The following OSBPL10 variants were observed in gnomAD, a reference collection of about 807,000 sequenced individuals.
The protein encoded by OSBPL10 is oxysterol-binding protein-related protein 10.
OSBPL10 carries 49 observed loss-of-function variants against 81.7 expected under a neutral mutation model. That is an observed-to-expected ratio of 0.60 (90% confidence interval 0.48 to 0.76). OSBPL10 has a LOEUF of 0.76. Ranked by LOEUF, OSBPL10 falls within the 30% of genes least tolerant of loss-of-function variation. OSBPL10 has a pLI of 0.00. For synonymous variants in OSBPL10, 419 were observed against 383.6 expected (o/e 1.09, Z -1.08); for missense variants, 923 against 987.8 (o/e 0.93, Z 0.88).
intron 4 of OSBPL10, among the ~76,000 whole-genome samples, chr3:31,810,571 T>C (rs1288894596): frequency 6.6e-6 from 1 of 152,082 alleles, no homozygotes; most frequent in Non-Finnish European, 1.5e-5. Flanking sequence ...TATCTTAATA[T>C]ATACATATAT....
At chr3:31,988,906 G>C in intron 2 of OSBPL10, 2 of 766,344 alleles carry the variant, frequency 2.6e-6, no homozygotes, top group Non-Finnish European at 4.2e-6. Flanking sequence ...GGAACACCCA[G>C]CTGAAGTGCC....
intron 5 of OSBPL10, among the ~76,000 whole-genome samples, chr3:31,742,735 A>T (rs1559444053): frequency 6.6e-6 from 1 of 152,220 alleles, no homozygotes; most frequent in Non-Finnish European, 1.5e-5. Flanking sequence ...AGAAGCATGG[A>T]GGGCAGAGTA....
chr3:31,899,807 C>A (rs559564586), intron 1 of OSBPL10, among the ~76,000 whole-genome samples: 5 of 152,096 alleles, frequency 3.3e-5, no homozygotes, highest in African/African-American at 1.2e-4. Flanking sequence ...AGAGTGAGAC[C>A]CCACCTCTAC....
Position 31,670,974 on chromosome 3 carries a change from C to T in OSBPL10, c.1736G>A (p.Arg579Lys). Residue 579 changes from arginine (R) to lysine (K), a missense_variant, in exon 9 of 12, where the codon AGG becomes AAG. Transcript: ENST00000396556. ...GTACTCCTCCCCGTGTTCCAGGAGC[C>T]TCAACACACCTCCAGGGAGAGAGGA... ...GVSMIGEGVL[R>K]LLEHGEEYVF... is the part of the protein sequence containing the mutation. 1 of 1,611,428 alleles carries T rather than the reference C, an allele frequency of 6.2e-7. No homozygotes were observed. Among genetic ancestry groups the T allele is most frequent in the Non-Finnish European group, 8.5e-7 (1 of 1,178,494 alleles).
intron 1 of OSBPL10, among the ~76,000 whole-genome samples, chr3:31,893,592 C>A (rs1695965416): frequency 6.6e-6 from 1 of 152,146 alleles, no homozygotes; most frequent in South Asian, 2.1e-4. Flanking sequence ...AATGTTAAAG[C>A]AGTATTATTC....
At chr3:32,053,357 G>A (rs1400880660) in intron 1 of OSBPL10, among the ~76,000 whole-genome samples, 1 of 152,154 alleles carries the variant, frequency 6.6e-6, no homozygotes, top group Admixed American at 6.5e-5. Context: ...AGTTGTGGAA[G>A]GTTTGTGAAA....
At chr3:31,730,884 A>G (rs139830149) in intron 6 of OSBPL10, among the ~76,000 whole-genome samples, 1 of 152,350 alleles carries the variant, frequency 6.6e-6, no homozygotes, top group East Asian at 1.9e-4. Flanking sequence ...ACACGACCAT[A>G]ATAACCACAA....
At chr3:32,009,514 A>G (rs182717639) in intron 2 of OSBPL10, among the ~76,000 whole-genome samples, 2 of 152,330 alleles carry the variant, frequency 1.3e-5, no homozygotes, top group East Asian at 1.9e-4. Context: ...GAAACAATGC[A>G]TTTCCAAGTT....
intron 4 of OSBPL10, among the ~76,000 whole-genome samples, chr3:31,805,366 T>A (rs971870341): frequency 1.3e-5 from 2 of 152,188 alleles, no homozygotes; most frequent in African/African-American, 4.8e-5. Flanking sequence ...TGCATTCCCA[T>A]GCTCTCATCC....
At chr3:32,012,579 T>G (rs1372521311) in intron 2 of OSBPL10, among the ~76,000 whole-genome samples, 1 of 152,148 alleles carries the variant, frequency 6.6e-6, no homozygotes, top group Non-Finnish European at 1.5e-5. Context: ...CAGGATTAAA[T>G]TCACACATAA....
chr3:31,735,764 T>C (rs74536302), intron 5 of OSBPL10, among the ~76,000 whole-genome samples: 3,978 of 152,154 alleles, frequency 0.026, 162 homozygotes, highest in African/African-American at 0.089. Flanking sequence ...GGGACCTCCC[T>C]GGCCAAAATA....
chr3:31,926,289 G>GCCCTCCCCCCCCCC (rs1553641092), intron 1 of OSBPL10, among the ~76,000 whole-genome samples: 1 of 130,114 alleles, frequency 7.7e-6, no homozygotes, highest in African/African-American at 3.1e-5. Context: ...GGGTGATTTT[G>GCCCTCCCCCCCCCC]CCCCCCCAGA....
intron 1 of OSBPL10, among the ~76,000 whole-genome samples, chr3:31,895,491 AG>A (rs1445723223): frequency 6.6e-6 from 1 of 152,000 alleles, no homozygotes; most frequent in African/African-American, 2.4e-5. Flanking sequence ...CAATTAACTC[AG>A]AATCTCTGGG....
chr3:31,762,630 A>ATTTTTTT lies in OSBPL10; in HGVS notation c.730-14517_730-14511dup, dbSNP rs56311731. ...GCCTATGCACAACACCATGCCCAGCATTTTTTTTTTTTTTTTTTTGTAGAG... is the reference window on the plus strand; with the variant it reads ...GCCTATGCACAACACCATGCCCAGCATTTTTTTTTTTTTTTTTTTTTTTTTTGTAGAG... On this transcript the variant is annotated intron_variant, in intron 4 of 11. Coordinates refer to ENST00000396556, the MANE Select transcript of OSBPL10 (RefSeq NM_017784.5). Among the ~76,000 whole-genome samples the ATTTTTTT allele has an allele frequency of 1.8e-4, 11 of 61,482 alleles. 1 individual carries two copies. Among genetic ancestry groups the ATTTTTTT allele is most frequent in the Admixed American group, 4.8e-4 (2 of 4,148 alleles). 40.3% of individuals were successfully genotyped at this position (61,482 alleles called of 152,430 possible).
At chr3:32,007,465 A>C (rs1474056746) in intron 2 of OSBPL10, among the ~76,000 whole-genome samples, 1 of 152,164 alleles carries the variant, frequency 6.6e-6, no homozygotes, top group African/African-American at 2.4e-5. Context: ...AGGTGCCAGC[A>C]GGGCCACACT....
chr3:31,678,359 G>A (rs894930451), intron 8 of OSBPL10, among the ~76,000 whole-genome samples: 3 of 152,124 alleles, frequency 2.0e-5, no homozygotes, highest in African/African-American at 4.8e-5. Context: ...AGGGAAAGAT[G>A]AACACATTGT....
intron 3 of OSBPL10, among the ~76,000 whole-genome samples, chr3:31,869,149 T>A (rs1701255495): frequency 6.6e-6 from 1 of 152,194 alleles, no homozygotes; most frequent in Non-Finnish European, 1.5e-5. Flanking sequence ...CACTTCACTC[T>A]CTTGCTTGAG....
At chr3:31,664,628 G>A (rs997826683) in intron 10 of OSBPL10, 19 of 225,636 alleles carry the variant, frequency 8.4e-5, no homozygotes, top group African/African-American at 3.9e-4. Context: ...TATTATAGAC[G>A]GTAGATTCTT....
At chr3:31,728,755 T>A (rs915712104) in intron 6 of OSBPL10, among the ~76,000 whole-genome samples, 1 of 152,084 alleles carries the variant, frequency 6.6e-6, no homozygotes. Flanking sequence ...GATTTGATTA[T>A]AAAGGGGCAT....
Sources: allele counts gnomAD v4.1 joint callset (sites outside exome capture counted in the v4.1 genomes callset), GRCh38; gene constraint gnomAD v4.1.1; transcripts MANE v1.5; gene names NCBI Gene and HGNC (gene_info 2026-07-23, HGNC 2026-07-21).